Variants in TAFA5 observed in about 807,000 individuals in gnomAD.
The protein encoded by TAFA5 is chemokine-like protein TAFA-5.
Under a neutral mutation model 15.3 loss-of-function variants are expected in TAFA5, and 6 were observed. The ratio of observed to expected loss-of-function variants is 0.39; its 90% confidence interval spans 0.21 to 0.77. The LOEUF (loss-of-function observed/expected upper bound fraction) is 0.77. Among genes scored for constraint, TAFA5 ranks in the 30% least tolerant of loss-of-function variants. The pLI is 0.41. For synonymous variants in TAFA5, 103 were observed against 80.7 expected (o/e 1.28, Z -1.48); for missense variants, 161 against 193.1 (o/e 0.83, Z 0.98).
intron 1 of TAFA5, among the ~76,000 whole-genome samples, chr22:48,499,015 G>A (rs1055709128): frequency 6.6e-6 from 1 of 152,212 alleles, no homozygotes; most frequent in Non-Finnish European, 1.5e-5. Context: ...TGCCTCCCGT[G>A]ACTGTTTCTC....
At chr22:48,683,277 G>A (rs1457712528) in intron 2 of TAFA5, among the ~76,000 whole-genome samples, 1 of 152,150 alleles carries the variant, frequency 6.6e-6, no homozygotes, top group Admixed American at 6.5e-5. Flanking sequence ...TTCTTCAAAG[G>A]CATTACACAC....
At chr22:48,653,105 G>T (rs922562952) in intron 2 of TAFA5, among the ~76,000 whole-genome samples, 1 of 152,212 alleles carries the variant, frequency 6.6e-6, no homozygotes, top group Non-Finnish European at 1.5e-5. Flanking sequence ...GCTGCCACCC[G>T]CGGCCTTTTT....
intron 1 of TAFA5, among the ~76,000 whole-genome samples, chr22:48,619,483 G>A (rs1925729274): frequency 6.6e-6 from 1 of 152,230 alleles, no homozygotes; most frequent in African/African-American, 2.4e-5. Context: ...AGCCTCCCGA[G>A]TAGCTGGGAC....
At chr22:48,542,691 TGTG>T (rs1359229228) in intron 1 of TAFA5, among the ~76,000 whole-genome samples, 1 of 142,260 alleles carries the variant, frequency 7.0e-6, no homozygotes, top group Non-Finnish European at 1.5e-5. Flanking sequence ...GTGGTGTATG[TGTG>T]GTGTGTGTGA....
At chr22:48,573,784 G>A (rs1240660350) in intron 1 of TAFA5, among the ~76,000 whole-genome samples, 2 of 152,086 alleles carry the variant, frequency 1.3e-5, no homozygotes, top group Non-Finnish European at 1.5e-5. Flanking sequence ...TCTTCCAATT[G>A]TAGTTCTTAA....
At chr22:48,703,081 G>GTGTGTGCA (rs534476989) in intron 2 of TAFA5, among the ~76,000 whole-genome samples, 2 of 152,042 alleles carry the variant, frequency 1.3e-5, no homozygotes, top group Non-Finnish European at 2.9e-5. Context: ...GTGCGTGAAC[G>GTGTGTGCA]TGTGTGCATG....
rs571917418 is a variant in TAFA5, at chr22:48,508,301, CG to C, written c.112+18602del. On this transcript the variant is annotated intron_variant, in intron 1 of 3. Transcript: ENST00000402357. Reference sequence around the variant, plus strand: ...GACCCAGGGTAGGCTAGAGAGTAGGCGGGGGTGCAGCCAGTCCCCTCCAGGG... The same window carrying C: ...GACCCAGGGTAGGCTAGAGAGTAGGCGGGGTGCAGCCAGTCCCCTCCAGGG... Among the ~76,000 whole-genome samples the C allele has an allele frequency of 4.8e-3, 724 of 152,264 alleles. 1 individual carries two copies. The highest frequency in any genetic ancestry group is 0.014 in the Middle Eastern group (4 of 294).
chr22:48,728,096 A>G (rs956444273), intron 3 of TAFA5, among the ~76,000 whole-genome samples: 2 of 152,256 alleles, frequency 1.3e-5, no homozygotes, highest in African/African-American at 4.8e-5. Flanking sequence ...AATTTGAGCC[A>G]CATATCTAAA....
intron 1 of TAFA5, among the ~76,000 whole-genome samples, chr22:48,557,711 C>T (rs1040827251): frequency 1.3e-5 from 2 of 152,218 alleles, no homozygotes; most frequent in Admixed American, 6.5e-5. Context: ...TCCAGACTCT[C>T]GGCAGAGGTC....
intron 1 of TAFA5, among the ~76,000 whole-genome samples, chr22:48,618,369 G>A (rs182846468): frequency 1.8e-4 from 27 of 152,336 alleles, no homozygotes; most frequent in African/African-American, 5.8e-4. Context: ...ACCTTTGTGG[G>A]ATAGATTGAA....
At chr22:48,704,454 G>A (rs569518640) in intron 2 of TAFA5, among the ~76,000 whole-genome samples, 66 of 152,182 alleles carry the variant, frequency 4.3e-4, no homozygotes, top group African/African-American at 1.4e-3. Flanking sequence ...AAGGGGCCCC[G>A]GGAAGACGCA....
At chr22:48,655,488 C>T (rs115365038) in intron 2 of TAFA5, among the ~76,000 whole-genome samples, 4 of 152,120 alleles carry the variant, frequency 2.6e-5, no homozygotes, top group African/African-American at 7.2e-5. Flanking sequence ...CAGAACGCTC[C>T]ATCCTCACGT....
intron 3 of TAFA5, among the ~76,000 whole-genome samples, chr22:48,716,869 A>T (rs1387253261): frequency 6.6e-6 from 1 of 152,194 alleles, no homozygotes; most frequent in Non-Finnish European, 1.5e-5. Context: ...AAACTGAGGC[A>T]ATCTCTCAGA....
chr22:48,536,458 C>G (rs773761342), intron 1 of TAFA5, among the ~76,000 whole-genome samples: 1 of 152,250 alleles, frequency 6.6e-6, no homozygotes, highest in African/African-American at 2.4e-5. Flanking sequence ...GGGTGGGTAA[C>G]GAGCGCGCAC....
At chr22:48,649,811 G>A (rs532700899) in intron 2 of TAFA5, among the ~76,000 whole-genome samples, 118 of 152,288 alleles carry the variant, frequency 7.7e-4, no homozygotes, top group Non-Finnish European at 1.4e-3. Context: ...GGAGTTCACA[G>A]CCAGGCCGTC....
intron 1 of TAFA5, chr22:48,576,619 TCG>T: frequency 7.5e-7 from 1 of 1,329,662 alleles, no homozygotes; most frequent in South Asian, 2.0e-5. Context: ...TCTGCCCGGC[TCG>T]CGGCGGCTCC....
chr22:48,743,882 C>T (rs901968935), intron 3 of TAFA5, among the ~76,000 whole-genome samples: 1 of 152,244 alleles, frequency 6.6e-6, no homozygotes, highest in African/African-American at 2.4e-5. Context: ...GCCGATGCCC[C>T]CACCTGCCCT....
chr22:48,739,687 T>C (rs532765150), intron 3 of TAFA5, among the ~76,000 whole-genome samples: 1 of 152,194 alleles, frequency 6.6e-6, no homozygotes, highest in African/African-American at 2.4e-5. Flanking sequence ...CAATGACCAA[T>C]AAAGGATGAA....
intron 1 of TAFA5, among the ~76,000 whole-genome samples, chr22:48,575,124 C>T (rs1486415359): frequency 6.6e-6 from 1 of 152,124 alleles, no homozygotes; most frequent in Non-Finnish European, 1.5e-5. Flanking sequence ...GGTACCTGGG[C>T]CTGGGGTTTC....
Sources: gnomAD v4.1 joint callset for allele counts (sites outside exome capture counted in the v4.1 genomes callset) on GRCh38, gnomAD v4.1.1 for gene constraint, MANE v1.5 for transcripts, NCBI Gene and HGNC (gene_info 2026-07-23, HGNC 2026-07-21) for gene names.